Variants in SAMD5 observed in about 807,000 individuals in gnomAD.
SAMD5 encodes sterile alpha motif domain containing 5, also known as sterile alpha motif domain-containing protein 5.
In SAMD5, 13 loss-of-function variants were observed where a neutral mutation model predicts 11.3. The ratio of observed to expected loss-of-function variants is 1.15; its 90% confidence interval spans 0.75 to 1.83. The LOEUF is 1.83. Among genes scored for constraint, SAMD5 ranks in the 40% most tolerant of loss-of-function variants. The pLI, the probability that SAMD5 is intolerant of heterozygous loss-of-function variation, is 0.00. For synonymous variants in SAMD5, 129 were observed against 111.3 expected (o/e 1.16, Z -1.00); for missense variants, 255 against 239.1 (o/e 1.07, Z -0.44).
the SAMD5 span, among the ~76,000 whole-genome samples, chr6:147,946,885 A>C: frequency 6.6e-6 from 1 of 152,262 alleles, no homozygotes. Context: ...TTTGGATCAC[A>C]GTTAACCTGA....
chr6:147,909,596 CT>C, the SAMD5 span, among the ~76,000 whole-genome samples: 40 of 60,152 alleles, frequency 6.6e-4, 6 homozygotes, highest in African/African-American at 2.8e-3. Context: ...TTCTTTCTTT[CT>C]TTCTTTCTTT....
At chr6:147,754,435 G>A in the SAMD5 span, among the ~76,000 whole-genome samples, 1 of 126,908 alleles carries the variant, frequency 7.9e-6, no homozygotes, top group African/African-American at 3.0e-5. Context: ...AGAGTTTTTT[G>A]AGCTCCTTAT....
the SAMD5 span, among the ~76,000 whole-genome samples, chr6:147,840,139 G>T: frequency 1.3e-5 from 2 of 152,186 alleles, no homozygotes; most frequent in Admixed American, 6.5e-5. Flanking sequence ...TAGACCAAGT[G>T]ATTATTTATA....
At chr6:147,533,730 C>T (rs1306706709) in intron 1 of SAMD5, among the ~76,000 whole-genome samples, 1 of 152,078 alleles carries the variant, frequency 6.6e-6, no homozygotes, top group African/African-American at 2.4e-5. Context: ...CTGGCAGCTG[C>T]AGATCCAGGG....
At chr6:147,873,001 C>T in the SAMD5 span, among the ~76,000 whole-genome samples, 10 of 152,228 alleles carry the variant, frequency 6.6e-5, no homozygotes, top group South Asian at 6.2e-4. Flanking sequence ...AACACAAGTG[C>T]GAACTGAATT....
chr6:147,629,898 C>T (rs6935688), intron 1 of SAMD5, among the ~76,000 whole-genome samples: 71,683 of 150,980 alleles, frequency 0.47, 17,492 homozygotes, highest in Middle Eastern at 0.56. Context: ...AAGTCTAACA[C>T]TGACCCATTA....
chr6:147,684,775 A>G (rs778583833), intron 1 of SAMD5, among the ~76,000 whole-genome samples: 63 of 152,220 alleles, frequency 4.1e-4, no homozygotes, highest in Non-Finnish European at 6.6e-4. Context: ...ATTATCATGT[A>G]AAATGAAATT....
the SAMD5 span, among the ~76,000 whole-genome samples, chr6:147,927,494 G>A: frequency 1.3e-5 from 2 of 152,240 alleles, no homozygotes; most frequent in African/African-American, 2.4e-5. Flanking sequence ...AAACGTTCAC[G>A]ATTTTTGCAC....
chr6:147,607,069 G>A (rs1027584776), intron 1 of SAMD5, among the ~76,000 whole-genome samples: 1 of 151,724 alleles, frequency 6.6e-6, no homozygotes, highest in Non-Finnish European at 1.5e-5. Context: ...GCAGTGGCTT[G>A]CAACCATGCT....
At chr6:147,588,938 T>G (rs1358289059) in intron 1 of SAMD5, among the ~76,000 whole-genome samples, 2 of 152,068 alleles carry the variant, frequency 1.3e-5, no homozygotes, top group African/African-American at 4.8e-5. Context: ...CCTTCTGGTT[T>G]ATGCCTGTGG....
At chr6:147,606,378 C>T (rs1164041716) in intron 1 of SAMD5, among the ~76,000 whole-genome samples, 1 of 151,452 alleles carries the variant, frequency 6.6e-6, no homozygotes, top group Non-Finnish European at 1.5e-5. Flanking sequence ...TAATAGTGCT[C>T]TTGGACTTAT....
At chr6:147,738,577 T>A (rs1791837859), downstream of SAMD5, among the ~76,000 whole-genome samples, 1 of 152,230 alleles carries the variant, frequency 6.6e-6, no homozygotes, top group Non-Finnish European at 1.5e-5. Flanking sequence ...ACATATTTTA[T>A]ATAAACTAGT....
chr6:147,544,629 G>A (rs1314107965), intron 1 of SAMD5, among the ~76,000 whole-genome samples: 1 of 152,184 alleles, frequency 6.6e-6, no homozygotes, highest in African/African-American at 2.4e-5. Context: ...TGCAGGGTCT[G>A]TTGTAGTCAG....
the SAMD5 span, among the ~76,000 whole-genome samples, chr6:147,863,428 A>G: frequency 3.3e-5 from 5 of 152,324 alleles, no homozygotes; most frequent in East Asian, 9.6e-4. Context: ...AGAAATCATA[A>G]CAAGTTTCAA....
intron 1 of SAMD5, among the ~76,000 whole-genome samples, chr6:147,517,965 C>G (rs946294465): frequency 1.3e-5 from 2 of 151,502 alleles, no homozygotes; most frequent in Admixed American, 6.6e-5. Flanking sequence ...TAAAAATGCT[C>G]TTAGTGGGTA....
chr6:147,603,949 C>T (rs1006651309), intron 1 of SAMD5, among the ~76,000 whole-genome samples: 1 of 152,154 alleles, frequency 6.6e-6, no homozygotes, highest in African/African-American at 2.4e-5. Context: ...AACATTCTTT[C>T]TAGAAGACAT....
chr6:147,775,141 G>A, the SAMD5 span, among the ~76,000 whole-genome samples: 1 of 152,234 alleles, frequency 6.6e-6, no homozygotes, highest in African/African-American at 2.4e-5. Context: ...CAGTCCCCCA[G>A]GTTCACTGGG....
the SAMD5 span, among the ~76,000 whole-genome samples, chr6:147,772,483 A>G: frequency 6.6e-6 from 1 of 152,190 alleles, no homozygotes; most frequent in Non-Finnish European, 1.5e-5. Context: ...TGTCATAACA[A>G]AATACCACAG....
At chr6:147,805,265 A>G in the SAMD5 span, among the ~76,000 whole-genome samples, 2 of 152,374 alleles carry the variant, frequency 1.3e-5, no homozygotes, top group African/African-American at 4.8e-5. Flanking sequence ...AGATGTGAAT[A>G]GCAGCAGCTT....
Sources: gnomAD v4.1 joint callset for allele counts (sites outside exome capture counted in the v4.1 genomes callset) on GRCh38, gnomAD v4.1.1 for gene constraint, MANE v1.5 for transcripts, NCBI Gene and HGNC (gene_info 2026-07-23, HGNC 2026-07-21) for gene names.